WNT2: variants seen among roughly 807,000 people sequenced by gnomAD.
WNT2 encodes Wnt family member 2.
WNT2 carries 12 observed loss-of-function variants against 36.9 expected under a neutral mutation model. The observed-to-expected ratio is 0.33, with a 90% confidence interval of 0.21 to 0.53. The LOEUF (loss-of-function observed/expected upper bound fraction) is 0.53, where lower values mean the gene tolerates loss of function less well. Ranked by LOEUF, WNT2 falls within the 20% of genes least tolerant of loss-of-function variation. The probability of loss-of-function intolerance (pLI) is 0.95; values close to 1 mark genes in which losing one functional copy is unlikely to be tolerated. For synonymous variants in WNT2, 163 were observed against 174.6 expected (o/e 0.93, Z 0.52); for missense variants, 379 against 473.1 (o/e 0.80, Z 1.84).
At position 117,323,046 on chromosome 7, in the gene WNT2, C is replaced by A. The variant is rs917133216; in HGVS notation, c.-57G>T. On this transcript the variant is annotated 5_prime_UTR_variant, in exon 1 of 5. Coordinates refer to ENST00000265441, the MANE Select transcript of WNT2 (RefSeq NM_003391.3). ...CTCCGTGTGCGGGCGCCATGCGTGC[C>A]CAGAGCAGAAGCGCTCAGCTCCGGG... 1 of 1,510,202 alleles carries A rather than the reference C, an allele frequency of 6.6e-7. No individual in the cohort carries two copies. Among genetic ancestry groups the A allele is most frequent in the Non-Finnish European group, 9.0e-7 (1 of 1,116,346 alleles). The allele number at this position is 1,510,202 out of a possible 1,614,324, so 93.6% of individuals were successfully genotyped here.
At chr7:117,305,205 C>T (rs973740691) in intron 3 of WNT2, among the ~76,000 whole-genome samples, 1 of 152,124 alleles carries the variant, frequency 6.6e-6, no homozygotes, top group African/African-American at 2.4e-5. Flanking sequence ...TCCATTTGTC[C>T]ATTTTTCAGT....
intron 4 of WNT2, among the ~76,000 whole-genome samples, chr7:117,291,682 C>T (rs76052728): frequency 6.6e-6 from 1 of 152,200 alleles, no homozygotes. Context: ...CCTCAGAGCA[C>T]TCACTTTCTT....
intron 4 of WNT2, among the ~76,000 whole-genome samples, chr7:117,293,073 G>A (rs893297531): frequency 1.3e-5 from 2 of 151,986 alleles, no homozygotes; most frequent in Non-Finnish European, 2.9e-5. Context: ...GGTAAGCCAC[G>A]ATGGTGCTAC....
intron 2 of WNT2, among the ~76,000 whole-genome samples, chr7:117,317,322 G>A (rs1199589629): frequency 6.6e-6 from 1 of 152,136 alleles, no homozygotes; most frequent in Non-Finnish European, 1.5e-5. Flanking sequence ...TTGACTGAAA[G>A]AAAACAAATC....
At chr7:117,312,251 C>T (rs573876803) in intron 3 of WNT2, among the ~76,000 whole-genome samples, 106 of 152,078 alleles carry the variant, frequency 7.0e-4, no homozygotes, top group Non-Finnish European at 1.2e-3. Flanking sequence ...GCAGCCTCAG[C>T]CTCCCTGGCT....
intron 2 of WNT2, among the ~76,000 whole-genome samples, chr7:117,315,604 A>G (rs140158430): frequency 6.6e-6 from 1 of 152,324 alleles, no homozygotes; most frequent in East Asian, 1.9e-4. Flanking sequence ...TCAAAGAAAA[A>G]GATGGCCTTG....
intron 1 of WNT2, among the ~76,000 whole-genome samples, chr7:117,321,462 A>C (rs901951379): frequency 6.6e-6 from 1 of 152,242 alleles, no homozygotes; most frequent in African/African-American, 2.4e-5. Context: ...AAACAGTGCT[A>C]TAACTCCATA....
Position 117,278,108 on chromosome 7 carries a change from A to T in WNT2, c.*47T>A, listed in dbSNP as rs762192202. ...AAAGGTCCAGTGTTCTTGCAGATCC[A>T]ATGGAGTCCTTGTAGAAGGGAAGGT... On this transcript the variant is annotated 3_prime_UTR_variant, in exon 5 of 5. Transcript: ENST00000265441. 1.9e-5 allele frequency: 31 copies of T among 1,596,390 alleles called. No homozygotes were observed.
At chr7:117,281,678 A>G (rs1794491926) in intron 4 of WNT2, among the ~76,000 whole-genome samples, 1 of 152,122 alleles carries the variant, frequency 6.6e-6, no homozygotes, top group Non-Finnish European at 1.5e-5. Flanking sequence ...GGGCTGTTGG[A>G]ATACTTCAGA....
intron 4 of WNT2, among the ~76,000 whole-genome samples, chr7:117,280,557 A>G (rs1025038638): frequency 1.1e-4 from 16 of 152,320 alleles, no homozygotes; most frequent in African/African-American, 3.6e-4. Context: ...CCCACAGTAC[A>G]GTCATGTGCA....
At chr7:117,318,782 G>C (rs755062312) in intron 2 of WNT2, among the ~76,000 whole-genome samples, 1 of 152,190 alleles carries the variant, frequency 6.6e-6, no homozygotes, top group Non-Finnish European at 1.5e-5. Flanking sequence ...AAAGTGCTGG[G>C]ATTATAGGAG....
At chr7:117,299,813 G>A (rs113567171) in intron 3 of WNT2, among the ~76,000 whole-genome samples, 4 of 152,098 alleles carry the variant, frequency 2.6e-5, no homozygotes, top group Non-Finnish European at 5.9e-5. Flanking sequence ...TCCCTTTCTA[G>A]TATTGAATTT....
At chr7:117,295,406 A>T (rs1794771137) in intron 4 of WNT2, among the ~76,000 whole-genome samples, 1 of 152,238 alleles carries the variant, frequency 6.6e-6, no homozygotes, top group Admixed American at 6.5e-5. Flanking sequence ...TTCTAATACA[A>T]AGAGTTGAAA....
chr7:117,321,559 A>G (rs2116396812), intron 1 of WNT2, among the ~76,000 whole-genome samples: 1 of 152,338 alleles, frequency 6.6e-6, no homozygotes, highest in Non-Finnish European at 1.5e-5. Flanking sequence ...ATGTTTAGAA[A>G]GGTACCTTTT....
chr7:117,317,571 G>A (rs763617213), intron 2 of WNT2, among the ~76,000 whole-genome samples: 7 of 152,190 alleles, frequency 4.6e-5, no homozygotes, highest in Non-Finnish European at 5.9e-5. Flanking sequence ...TATGTGTGAA[G>A]TAGTAGCACA....
chr7:117,320,789 T>A lies in WNT2; in HGVS notation c.88A>T (p.Met30Leu), dbSNP rs895560180. The change falls in exon 2 of 5, where the codon ATG becomes TTG. Residue 30 changes from methionine to leucine, a missense_variant. Physicochemically the swap from Met to Leu is conservative, Grantham distance 15. Coordinates refer to ENST00000265441, the MANE Select transcript of WNT2 (RefSeq NM_003391.3). ...CTGGAGGAGCCACCTGTAGCTCTCA[T>A]GTACCTATAAGGGACCAACCAACAC... ...TPEVNSSWWY[M>L]RATGGSSRVM... 54 of 1,608,744 alleles carry A rather than the reference T, an allele frequency of 3.4e-5. No homozygotes were observed. Among genetic ancestry groups the A allele is most frequent in the Non-Finnish European group, 4.6e-5 (54 of 1,178,926 alleles).
intron 4 of WNT2, among the ~76,000 whole-genome samples, chr7:117,294,254 G>A (rs1350347670): frequency 6.6e-6 from 1 of 152,104 alleles, no homozygotes; most frequent in African/African-American, 2.4e-5. Flanking sequence ...GCCCTCAGCA[G>A]CCATATGGAT....
intron 3 of WNT2, among the ~76,000 whole-genome samples, chr7:117,304,454 GA>G (rs1794976646): frequency 1.5e-5 from 1 of 65,480 alleles, no homozygotes; most frequent in Non-Finnish European, 3.0e-5. Flanking sequence ...TTTTTTTTTT[GA>G]GACAGAGTTT....
intron 2 of WNT2, among the ~76,000 whole-genome samples, chr7:117,319,528 G>GC (rs982206301): frequency 1.3e-5 from 2 of 148,444 alleles, no homozygotes; most frequent in African/African-American, 5.0e-5. Context: ...GAATTGGGGG[G>GC]GGGGGTAGGC....
Sources: gnomAD v4.1 joint callset for allele counts (sites outside exome capture counted in the v4.1 genomes callset) on GRCh38, gnomAD v4.1.1 for gene constraint, MANE v1.5 for transcripts, NCBI Gene and HGNC (gene_info 2026-07-23, HGNC 2026-07-21) for gene names.